TRO: variants seen among roughly 807,000 people sequenced by gnomAD.
The protein encoded by TRO is trophinin.
Under a neutral mutation model 42.3 loss-of-function variants are expected in TRO, and 29 were observed. That is an observed-to-expected ratio of 0.68 (90% confidence interval 0.51 to 0.93). The LOEUF (loss-of-function observed/expected upper bound fraction) is 0.93, where lower values mean the gene tolerates loss of function less well. Among genes scored for constraint, TRO ranks in the 40% least tolerant of loss-of-function variants. The pLI is 0.00. For synonymous variants in TRO, 384 were observed against 425.2 expected, an observed-to-expected ratio of 0.90 and a Z score of 1.19; for missense variants, 963 against 1,127.7, an observed-to-expected ratio of 0.85 and a Z score of 2.09.
chrX:54,931,424 A>G lies in TRO; in HGVS notation c.*232A>G. ...GGTATCAGAGTTACATTAAATTTGC[A>G]AAATGAATTGGAGTTTTTTCTGTCT... On this transcript the variant is annotated 3_prime_UTR_variant, in exon 13 of 13. Coordinates refer to ENST00000173898, the MANE Select transcript of TRO (RefSeq NM_001039705.3). The G allele has an allele frequency of 9.7e-7, 1 of 1,031,123 alleles. No individual in the cohort carries two copies. The highest frequency in any genetic ancestry group is 1.3e-6 in the Non-Finnish European group (1 of 744,059). 85.0% of individuals were successfully genotyped at this position (1,031,123 alleles called of 1,213,427 possible).
intron 1 of TRO, chrX:54,921,984 A>C: frequency 6.4e-6 from 2 of 310,768 alleles, no homozygotes; most frequent in African/African-American, 2.8e-5. Flanking sequence ...CATGCGCACT[A>C]TCGAGTTGCG....
intron 6 of TRO, 87 bp downstream of exon 6, chrX:54,925,155 G>T: frequency 1.1e-6 from 1 of 918,296 alleles, no homozygotes; most frequent in Non-Finnish European, 1.5e-6. Flanking sequence ...GAGAATCACA[G>T]AAACATGCTA....
rs1247015036 is a variant in TRO at position 54,924,437 on chromosome X, T to C, written c.1237-14T>C. 2 of 1,185,863 alleles carry C rather than the reference T, an allele frequency of 1.7e-6. No homozygotes were observed. Among genetic ancestry groups the C allele is most frequent in the Non-Finnish European group, 2.3e-6 (2 of 883,079 alleles). On this transcript the variant is annotated splice_polypyrimidine_tract_variant and intron_variant, in intron 3 of 12. Transcript: ENST00000173898. The stretch of plus-strand genomic sequence containing the variant: ...CCTGGTGACTCTGGACCTTCCTTCT[T>C]TCTGATGATGAAGTCCAAGCATCTG...
rs376082436 is a variant in TRO, at chrX:54,925,544, A to T, written c.1486-48A>T. ...TAGGATGCCCGGAAAGTTCACTGAT[A>T]CCTAAGCTGAATTTTGTGATCTCAC... On this transcript the variant is annotated intron_variant, in intron 6 of 12. Coordinates refer to ENST00000173898, the MANE Select transcript of TRO (RefSeq NM_001039705.3). The T allele has an allele frequency of 6.1e-5, 68 of 1,123,153 alleles. No individual in the cohort carries two copies. In the African/African-American group the frequency reaches 1.1e-3, roughly 18 times the overall value. 92.6% of individuals were successfully genotyped at this position (1,123,153 alleles called of 1,213,427 possible).
chrX:54,923,813 C>T, intron 3 of TRO, 45 bp downstream of exon 3: 1 of 1,103,483 alleles, frequency 9.1e-7, no homozygotes. Context: ...GCTTCTTTTC[C>T]ATTTCTACCC....
chrX:54,930,071 C>G lies in TRO; in HGVS notation c.3347C>G (p.Ala1116Gly), dbSNP rs1283287853. 1 of 1,198,625 alleles carries G rather than the reference C, an allele frequency of 8.3e-7. No homozygotes were observed. Among genetic ancestry groups the G allele is most frequent in the East Asian group, 3.0e-5 (1 of 33,160 alleles). ...GGCTTCGGTGGGGCACTTAGTACCG[C>G]TGCTGACTTCGGTGGTACTCCCAGC... The part of the protein sequence containing the change: ...SAGFGGALST[A>G]ADFGGTPSNS... Residue 1116 changes from alanine to glycine, a missense_variant, in exon 12 of 13, where the codon GCT becomes GGT. Physicochemically the swap from Ala to Gly is moderately conservative, Grantham distance 60. This residue lies in a region of TRO where 641 missense variants were observed against 811.3 expected (regional missense o/e 0.79). Coordinates refer to ENST00000173898, the MANE Select transcript of TRO (RefSeq NM_001039705.3).
chrX:54,921,458 T>A (rs1225191193), intron 1 of TRO: 1 of 108,987 alleles, frequency 9.2e-6, no homozygotes, highest in African/African-American at 3.4e-5. Flanking sequence ...TTCATACAGT[T>A]GGATTTGGGG....
Position 54,926,420 on chromosome X carries a change from A to C in TRO, c.1588A>C (p.Thr530Pro), listed in dbSNP as rs760674835. The change falls in exon 8 of 13, where the codon ACA becomes CCA. Residue 530 changes from threonine (T) to proline (P), a missense_variant. By Grantham distance (38) the Thr-to-Pro change is conservative. Transcript: ENST00000173898. ...CTGTTATTCCCTTAGGACCAAGGACACACCCAAGCTGGGTCTCCTCATGGT... is the reference window on the plus strand; with the variant it reads ...CTGTTATTCCCTTAGGACCAAGGACCCACCCAAGCTGGGTCTCCTCATGGT... ...SAGILGTTKD[T>P]PKLGLLMVIL... 4.1e-6 allele frequency: 5 copies of C among 1,211,927 alleles called. No homozygotes were observed. In the Admixed American group the frequency reaches 1.1e-4, roughly 26 times the overall value.
rs1932442678 is a variant in TRO at position 54,923,889 on chromosome X, G to A, written c.1236+121G>A. The stretch of plus-strand genomic sequence containing the variant: ...GCTAGTCCCTGTGTTCAGATAGGCT[G>A]TGGAAGATGCTGAGAAGAAGGTGAT... On this transcript the variant is annotated intron_variant, in intron 3 of 12. Coordinates refer to ENST00000173898, the MANE Select transcript of TRO (RefSeq NM_001039705.3). 5 of 762,384 alleles carry A rather than the reference G, an allele frequency of 6.6e-6. No individual in the cohort carries two copies. The African/African-American group carries it at 1.1e-4, about 16-fold the overall frequency. The allele number at this position is 762,384 out of a possible 1,213,427, so 62.8% of individuals were successfully genotyped here.
chrX:54,928,664 T>C lies in TRO; in HGVS notation c.1940T>C (p.Val647Ala). Reference sequence around the variant, plus strand: ...TACCGCGAGGCAGTGGAGATGGAAGTCCAAGCTGCAGCTGTGGCTGTGGCT... The same window carrying C: ...TACCGCGAGGCAGTGGAGATGGAAGCCCAAGCTGCAGCTGTGGCTGTGGCT... ...VQYREAVEME[V>A]QAAAVAVAEA... The change falls in exon 12 of 13, where the codon GTC becomes GCC. Residue 647 changes from valine to alanine, a missense_variant. Coordinates refer to ENST00000173898, the MANE Select transcript of TRO (RefSeq NM_001039705.3). 2 of 1,199,292 alleles carry C rather than the reference T, an allele frequency of 1.7e-6. No individual in the cohort carries two copies. Among genetic ancestry groups the C allele is most frequent in the African/African-American group, 3.5e-5 (2 of 57,540 alleles).
In TRO at chrX:54,930,167, G is replaced by C. The variant is rs759333644; in HGVS notation, c.3443G>C (p.Cys1148Ser). The change falls in exon 12 of 13, where the codon TGT becomes TCT. Residue 1148 changes from cysteine (C) to serine (S), a missense_variant. Cys to Ser is a moderately radical substitution (Grantham distance 112). This residue lies in a region of TRO where 641 missense variants were observed against 811.3 expected (regional missense o/e 0.79). Transcript: ENST00000173898. ...SFGGAHGTSLCFGGAPSTSLC... is the reference protein window; with the variant it reads ...SFGGAHGTSLSFGGAPSTSLC... ...GGTGGTGCTCATGGCACCAGCCTCTGTTTTGGTGGAGCTCCCAGCACCAGC... is the reference window on the plus strand; with the variant it reads ...GGTGGTGCTCATGGCACCAGCCTCTCTTTTGGTGGAGCTCCCAGCACCAGC... 8.2e-7 allele frequency: 1 copy of C among 1,212,220 alleles called. No homozygotes were observed. The highest frequency in any genetic ancestry group is 1.1e-6 in the Non-Finnish European group (1 of 895,585).
Position 54,925,625 on chromosome X carries a change from C to A in TRO, c.1519C>A (p.Gln507Lys), listed in dbSNP as rs2146548188. 1 of 1,209,235 alleles carries A rather than the reference C, an allele frequency of 8.3e-7. No individual in the cohort carries two copies. Among genetic ancestry groups the A allele is most frequent in the African/African-American group, 1.7e-5 (1 of 57,276 alleles). Reference sequence around the variant, plus strand: ...AGTCAATCTGAAAGAAATTGATAAGCAAAGTAGCTTGTATATTCTCATCAG... The same window carrying A: ...AGTCAATCTGAAAGAAATTGATAAGAAAAGTAGCTTGTATATTCTCATCAG... ...FRVNLKEIDK[Q>K]SSLYILISTQ... Residue 507 changes from glutamine (Q) to lysine (K), a missense_variant, in exon 7 of 13, where the codon CAA (glutamine) becomes AAA (lysine). Physicochemically the swap from Gln to Lys is moderately conservative, Grantham distance 53 (BLOSUM62 1). Coordinates refer to ENST00000173898, the MANE Select transcript of TRO (RefSeq NM_001039705.3).
In TRO at chrX:54,928,601, A is replaced by G. The variant is rs1305380692; in HGVS notation, c.1879-2A>G. 1 of 1,142,929 alleles carries G rather than the reference A, an allele frequency of 8.7e-7. No homozygotes were observed. Among genetic ancestry groups the G allele is most frequent in the African/African-American group, 1.8e-5 (1 of 55,156 alleles). 94.2% of individuals were successfully genotyped at this position (1,142,929 alleles called of 1,213,427 possible). A position where few individuals can be genotyped will look rare whatever the true frequency, so the allele number is the denominator to read the frequency against. ...TTATTATGATTATCATCCCCATTTC[A>G]GGTGCAGAAGAAAGACCCCAAGGAC... On this transcript the variant is annotated splice_acceptor_variant, in intron 11 of 12. Transcript: ENST00000173898. LOFTEE classifies it high-confidence loss of function.
chrX:54,925,211 G>C lies in TRO; in HGVS notation c.1485+143G>C. On this transcript the variant is annotated intron_variant, in intron 6 of 12. Coordinates refer to ENST00000173898, the MANE Select transcript of TRO (RefSeq NM_001039705.3). ...GAATGGGCAGACAGTGGCCTAGGGA[G>C]AGGTGTAGATTTGCCATGGGTCACA... The C allele has an allele frequency of 2.9e-5, 17 of 577,580 alleles. No homozygotes were observed. The South Asian group carries it at 4.6e-4, about 16-fold the overall frequency. 47.6% of individuals were successfully genotyped at this position (577,580 alleles called of 1,213,427 possible).
Position 54,923,361 on chromosome X carries a change from G to A in TRO, c.829G>A (p.Ala277Thr). ...AAATACTGACACTGAGCATATAGAG[G>A]CTCTAAATGTCACTGACGCAGCTAC... ...VINTDTEHIE[A>T]LNVTDAATRQ... Residue 277 changes from alanine (A) to threonine (T), a missense_variant, in exon 3 of 13, where the codon GCT becomes ACT. Ala to Thr is a moderately conservative substitution (Grantham distance 58). Coordinates refer to ENST00000173898, the MANE Select transcript of TRO (RefSeq NM_001039705.3). The A allele has an allele frequency of 8.3e-7, 1 of 1,207,821 alleles. No homozygotes were observed. Among genetic ancestry groups the A allele is most frequent in the Non-Finnish European group, 1.1e-6 (1 of 893,432 alleles).
chrX:54,924,891 C>T, intron 5 of TRO, 98 bp from the exon 6 acceptor site: 5 of 1,002,802 alleles, frequency 5.0e-6, no homozygotes, highest in Non-Finnish European at 6.9e-6. Context: ...TAACTCACTT[C>T]AGGTCTCTGA....
At chrX:54,922,427 G>T in intron 2 of TRO, 136 bp downstream of exon 2, 1 of 924,594 alleles carries the variant, frequency 1.1e-6, no homozygotes, top group South Asian at 2.4e-5. Flanking sequence ...TGGTGAAGGA[G>T]AGGAGAGGAA....
rs1198459299 is a variant in TRO at position 54,925,040 on chromosome X, T to C, written c.1457T>C (p.Ile486Thr). 5.8e-6 allele frequency: 7 copies of C among 1,210,157 alleles called. No homozygotes were observed. The highest frequency in any genetic ancestry group is 1.8e-5 in the South Asian group (1 of 56,757). Reference protein sequence around the residue: ...QEYDEYFPEIIERASYTLEKM... With the variant: ...QEYDEYFPEITERASYTLEKM... ...TATGATGAATATTTCCCAGAAATCA[T>C]TGAACGAGCAAGCTACACTCTGGAG... The change falls in exon 6 of 13, where the codon ATT becomes ACT. Residue 486 changes from isoleucine (I) to threonine (T), a missense_variant. Physicochemically the swap from Ile to Thr is moderately conservative, Grantham distance 89 (BLOSUM62 -1). Transcript: ENST00000173898.
chrX:54,928,575 CTTA>C lies in TRO; in HGVS notation c.1879-23_1879-21del, dbSNP rs765077202. On this transcript the variant is annotated intron_variant, in intron 11 of 12. Transcript: ENST00000173898. ...AATACATGATTACTAGGGTTGTTTT[CTTA>C]TTATGATTATCATCCCCATTTCAGG... 14 of 1,136,588 alleles carry C rather than the reference CTTA, an allele frequency of 1.2e-5. No individual in the cohort carries two copies. The African/African-American group carries it at 1.7e-4, about 13-fold the overall frequency. The allele number at this position is 1,136,588 out of a possible 1,213,427, so 93.7% of individuals were successfully genotyped here. A position where few individuals can be genotyped will look rare whatever the true frequency, so the allele number is the denominator to read the frequency against.
Sources: gnomAD v4.1 joint callset for allele counts on GRCh38, gnomAD v4.1.1 for gene constraint, gnomAD v4.1.1 regional missense constraint, MANE v1.5 for transcripts, NCBI Gene and HGNC (gene_info 2026-07-23, HGNC 2026-07-21) for gene names.